The following GPC6 variants were observed in gnomAD, a reference collection of about 807,000 sequenced individuals.
The protein encoded by GPC6 is glypican 6.
Under a neutral mutation model 55.2 loss-of-function variants are expected in GPC6, and 14 were observed. The observed-to-expected ratio is 0.25, with a 90% CI of 0.17 to 0.40. The LOEUF is 0.40. Ranked by LOEUF, GPC6 falls within the 10% of genes least tolerant of loss-of-function variation. The probability of loss-of-function intolerance (pLI) is 1.00; values close to 1 mark genes in which losing one functional copy is unlikely to be tolerated. For synonymous variants in GPC6, 278 were observed against 259.6 expected (o/e 1.07, Z -0.68); for missense variants, 641 against 708.5 (o/e 0.90, Z 1.08).
chr13:93,657,455 A>G (rs922114333), intron 2 of GPC6, among the ~76,000 whole-genome samples: 2 of 152,120 alleles, frequency 1.3e-5, no homozygotes, highest in African/African-American at 4.8e-5. Context: ...TTAACTCAAG[A>G]TGGATTAAAT....
intron 4 of GPC6, among the ~76,000 whole-genome samples, chr13:94,034,202 A>AAAGAAGGC (rs1594682935): frequency 4.6e-5 from 5 of 108,184 alleles, no homozygotes; most frequent in Non-Finnish European, 7.6e-5. Context: ...AGAAAGAAAG[A>AAAGAAGGC]AGGAAGGAAG....
At chr13:93,822,213 TATC>T (rs1887073249) in intron 2 of GPC6, among the ~76,000 whole-genome samples, 1 of 152,100 alleles carries the variant, frequency 6.6e-6, no homozygotes, top group Admixed American at 6.6e-5. Flanking sequence ...TGTGTACAAA[TATC>T]ATAAAATGAG....
chr13:93,295,035 C>A (rs181938977), intron 1 of GPC6, among the ~76,000 whole-genome samples: 62 of 148,562 alleles, frequency 4.2e-4, no homozygotes, highest in African/African-American at 1.4e-3. Flanking sequence ...TGTTGGGAAG[C>A]CTAGGTGGGC....
chr13:94,338,716 C>T (rs992370968), intron 6 of GPC6, among the ~76,000 whole-genome samples: 2 of 152,240 alleles, frequency 1.3e-5, no homozygotes, highest in South Asian at 4.2e-4. Context: ...GAAATGGAGT[C>T]CGAGTGGCCA....
intron 4 of GPC6, among the ~76,000 whole-genome samples, chr13:94,101,817 A>C (rs1885872585): frequency 6.6e-6 from 1 of 151,228 alleles, no homozygotes. Context: ...ATTGGTTTTC[A>C]TGAGTCATGT....
chr13:93,843,319 A>G (rs950127257), intron 3 of GPC6, among the ~76,000 whole-genome samples: 1 of 152,140 alleles, frequency 6.6e-6, no homozygotes, highest in Non-Finnish European at 1.5e-5. Flanking sequence ...GGAGCTCCGT[A>G]GCTCTCTTAT....
chr13:93,261,713 T>C (rs1446074927), intron 1 of GPC6, among the ~76,000 whole-genome samples: 1 of 152,190 alleles, frequency 6.6e-6, no homozygotes, highest in African/African-American at 2.4e-5. Flanking sequence ...TGCAGTTTCA[T>C]TTGTTTCACA....
chr13:94,135,411 C>A (rs1332100299), intron 4 of GPC6, among the ~76,000 whole-genome samples: 1 of 152,156 alleles, frequency 6.6e-6, no homozygotes, highest in Admixed American at 6.5e-5. Flanking sequence ...AAGTGACTTT[C>A]CCCATGTAGC....
At chr13:94,067,396 A>G (rs1206108592) in intron 4 of GPC6, among the ~76,000 whole-genome samples, 4 of 152,146 alleles carry the variant, frequency 2.6e-5, no homozygotes, top group Non-Finnish European at 5.9e-5. Context: ...CCCATTCCAC[A>G]TCTGATATTC....
chr13:93,355,384 C>T (rs949440905), intron 1 of GPC6, among the ~76,000 whole-genome samples: 3 of 152,218 alleles, frequency 2.0e-5, no homozygotes, highest in African/African-American at 7.2e-5. Flanking sequence ...AAAAAGAGGG[C>T]AGCTGTATTA....
intron 4 of GPC6, among the ~76,000 whole-genome samples, chr13:94,149,110 G>C (rs896684448): frequency 1.3e-5 from 2 of 152,108 alleles, no homozygotes; most frequent in East Asian, 3.9e-4. Context: ...CTACATGCCT[G>C]ATTTCTCACA....
At chr13:94,238,243 A>C (rs1334470706) in intron 4 of GPC6, among the ~76,000 whole-genome samples, 1 of 152,158 alleles carries the variant, frequency 6.6e-6, no homozygotes, top group African/African-American at 2.4e-5. Context: ...AGAGATCACA[A>C]GTAGAAATCT....
chr13:93,855,897 T>C (rs1479156078), intron 3 of GPC6, among the ~76,000 whole-genome samples: 2 of 151,716 alleles, frequency 1.3e-5, no homozygotes, highest in Non-Finnish European at 3.0e-5. Flanking sequence ...TTTCTTATTG[T>C]TGATTTTAAT....
chr13:94,312,514 T>A (rs116476127), intron 6 of GPC6, among the ~76,000 whole-genome samples: 1,907 of 152,336 alleles, frequency 0.013, 42 homozygotes, highest in African/African-American at 0.042. Context: ...GTTGTTCATT[T>A]TAAATTGCCA....
intron 4 of GPC6, among the ~76,000 whole-genome samples, chr13:94,135,214 T>C (rs1887141638): frequency 6.6e-6 from 1 of 150,552 alleles, no homozygotes; most frequent in Non-Finnish European, 1.5e-5. Flanking sequence ...CTACCGGAGC[T>C]GTATTACAGA....
At chr13:93,979,284 TGTGTGTGTGTG>T (rs1566631900) in intron 3 of GPC6, among the ~76,000 whole-genome samples, 2 of 54,782 alleles carry the variant, frequency 3.7e-5, no homozygotes, top group African/African-American at 1.2e-4. Flanking sequence ...ACTTCTTTTG[TGTGTGTGTGTG>T]TGTGTGTGTG....
At chr13:93,553,542 A>C (rs1257958874) in intron 2 of GPC6, among the ~76,000 whole-genome samples, 1 of 151,746 alleles carries the variant, frequency 6.6e-6, no homozygotes, top group African/African-American at 2.4e-5. Context: ...AAAAATACAA[A>C]AAATTAGCTG....
At chr13:93,986,630 T>C (rs1033756772) in intron 3 of GPC6, among the ~76,000 whole-genome samples, 1 of 152,132 alleles carries the variant, frequency 6.6e-6, no homozygotes, top group Non-Finnish European at 1.5e-5. Flanking sequence ...ACTTTGAATA[T>C]TTTCCCTCTT....
chr13:93,730,764 G>T (rs746546956), intron 2 of GPC6, among the ~76,000 whole-genome samples: 5 of 152,188 alleles, frequency 3.3e-5, no homozygotes, highest in Non-Finnish European at 5.9e-5. Context: ...GGCTGGAGAG[G>T]GAGTAAAACC....
Sources: gnomAD v4.1 joint callset for allele counts (sites outside exome capture counted in the v4.1 genomes callset) on GRCh38, gnomAD v4.1.1 for gene constraint, MANE v1.5 for transcripts, NCBI Gene and HGNC (gene_info 2026-07-23, HGNC 2026-07-21) for gene names.